The following MAP3K3 variants were observed in gnomAD, a reference collection of about 807,000 sequenced individuals.
MAP3K3 encodes MAP/ERK kinase kinase 3.
A neutral mutation model predicts 80.9 loss-of-function variants in MAP3K3; 12 were observed. The observed-to-expected ratio is 0.15, with a 90% CI of 0.10 to 0.24. The LOEUF (loss-of-function observed/expected upper bound fraction) is 0.24, where lower values mean the gene tolerates loss of function less well. Ranked by LOEUF, MAP3K3 falls within the 10% of genes least tolerant of loss-of-function variation. The probability of loss-of-function intolerance (pLI) is 1.00; values close to 1 mark genes in which losing one functional copy is unlikely to be tolerated. For missense variants in MAP3K3, 596 were observed against 834.7 expected (o/e 0.71, Z 3.52); for synonymous variants, 272 against 307.1 (o/e 0.89, Z 1.19).
intron 6 of MAP3K3, among the ~76,000 whole-genome samples, chr17:63,675,254 C>T (rs1458205727): frequency 7.0e-6 from 1 of 142,944 alleles, no homozygotes; most frequent in Admixed American, 6.8e-5. Flanking sequence ...TTAAGATTTT[C>T]TATTGAGAAA....
rs1321147028 is a variant in MAP3K3 at position 63,694,069 on chromosome 17, C to G, written c.*292C>G. The stretch of plus-strand genomic sequence containing the variant: ...GTGCAAGGCAGCCGTGGGCCCCACC[C>G]TCGGGGATGTGTCCTGACACTGCAA... On this transcript the variant is annotated 3_prime_UTR_variant, in exon 16 of 16. Coordinates refer to ENST00000361733, the MANE Select transcript of MAP3K3 (RefSeq NM_002401.5). 1 of 354,444 alleles carries G rather than the reference C, an allele frequency of 2.8e-6. No homozygotes were observed. The highest frequency in any genetic ancestry group is 5.2e-5 in the East Asian group (1 of 19,132). 22.0% of individuals were successfully genotyped at this position (354,444 alleles called of 1,614,324 possible).
At chr17:63,670,277 C>T (rs937806080) in intron 6 of MAP3K3, among the ~76,000 whole-genome samples, 11 of 151,474 alleles carry the variant, frequency 7.3e-5, no homozygotes, top group African/African-American at 2.4e-4. Context: ...TGTGGTGCTG[C>T]AGGTGGGCTA....
At chr17:63,625,315 T>C (rs572216075) in intron 1 of MAP3K3, among the ~76,000 whole-genome samples, 1 of 149,794 alleles carries the variant, frequency 6.7e-6, no homozygotes, top group South Asian at 2.1e-4. Flanking sequence ...ACTATGTGGC[T>C]ATAAAAAATT....
chr17:63,691,916 T>C lies in MAP3K3; in HGVS notation c.1474+54T>C, dbSNP rs1393077571. 16 of 1,581,928 alleles carry C rather than the reference T, an allele frequency of 1.0e-5. No homozygotes were observed. The highest frequency in any genetic ancestry group is 1.0e-4 in the South Asian group (9 of 89,380). On this transcript the variant is annotated intron_variant, in intron 14 of 15. Transcript: ENST00000361733. This position sits in a 1 kb window ranked among gnomAD's most constrained non-coding sequence, Gnocchi z 4.8. ...CCAGGACCTGGGTTCAAGTCTACCA[T>C]TGAGTGCCTGCAGGGGCCAATCACT...
intron 6 of MAP3K3, among the ~76,000 whole-genome samples, chr17:63,678,899 G>A (rs1175775359): frequency 3.3e-5 from 5 of 151,986 alleles, no homozygotes; most frequent in African/African-American, 9.7e-5. Flanking sequence ...GTATGGTGAC[G>A]GCCACCTGTA....
chr17:63,642,793 A>G lies in MAP3K3; in HGVS notation c.127-3241A>G, dbSNP rs56084060. On this transcript the variant is annotated intron_variant, in intron 2 of 15. Transcript: ENST00000361733. ...ATTTTTGAGACAGAATCCTTGTTCTATCACCCAGGCTGGAGTCCAGTGGCG... is the reference window on the plus strand; with the variant it reads ...ATTTTTGAGACAGAATCCTTGTTCTGTCACCCAGGCTGGAGTCCAGTGGCG... 2.1e-3 allele frequency among the ~76,000 whole-genome samples: 313 copies of G among 152,176 alleles called. 1 individual carries two copies. Among genetic ancestry groups the G allele is most frequent in the African/African-American group, 6.5e-3 (271 of 41,500 alleles).
chr17:63,646,864 T>G (rs2034550659), intron 3 of MAP3K3, among the ~76,000 whole-genome samples: 2 of 152,202 alleles, frequency 1.3e-5, no homozygotes, highest in South Asian at 4.1e-4. Flanking sequence ...GTGCGGCACA[T>G]GTACACATAA....
chr17:63,674,170 CTCTG>C (rs950974134), intron 6 of MAP3K3, among the ~76,000 whole-genome samples: 15 of 152,082 alleles, frequency 9.9e-5, no homozygotes, highest in African/African-American at 3.1e-4. Flanking sequence ...TCAGTTCTCA[CTCTG>C]TCTTTCTCCT....
chr17:63,652,085 A>G (rs2143342395), intron 3 of MAP3K3, among the ~76,000 whole-genome samples: 1 of 152,258 alleles, frequency 6.6e-6, no homozygotes, highest in East Asian at 1.9e-4. Context: ...GGTTTGTTAC[A>G]TAGTTAAACA....
At position 63,695,347 on chromosome 17, in the gene MAP3K3, A is replaced by G. The variant is rs1473542903; in HGVS notation, c.*1570A>G. 3 of 152,684 alleles carry G rather than the reference A, an allele frequency of 2.0e-5. No homozygotes were observed. Among genetic ancestry groups the G allele is most frequent in the East Asian group, 1.9e-4 (1 of 5,208 alleles). The allele number at this position is 152,684 out of a possible 1,614,324, so 9.5% of individuals were successfully genotyped here. A position where few individuals can be genotyped will look rare whatever the true frequency, so the allele number is the denominator to read the frequency against. ...TATTTGATGGTTTTTATATATATCA[A>G]TTCTAGACTGTTACAGGTGACGGAC... On this transcript the variant is annotated 3_prime_UTR_variant, in exon 16 of 16. Coordinates refer to ENST00000361733, the MANE Select transcript of MAP3K3 (RefSeq NM_002401.5). This position sits in a 1 kb window ranked among gnomAD's most constrained non-coding sequence, Gnocchi z 4.1.
At chr17:63,658,040 C>T in intron 5 of MAP3K3, 133 bp downstream of exon 5, 1 of 441,968 alleles carries the variant, frequency 2.3e-6, no homozygotes, top group Non-Finnish European at 4.1e-6. Context: ...CAGCACAGCC[C>T]ACTTGTCAGT....
intron 2 of MAP3K3, chr17:63,636,863 C>A: frequency 2.6e-6 from 1 of 379,584 alleles, no homozygotes; most frequent in Non-Finnish European, 5.2e-6. Flanking sequence ...TCCTCCATCC[C>A]GCTGGACATC....
At chr17:63,650,387 T>A in intron 3 of MAP3K3, among the ~76,000 whole-genome samples, 1 of 152,080 alleles carries the variant, frequency 6.6e-6, no homozygotes, top group East Asian at 1.9e-4. Flanking sequence ...CTGCAACCTC[T>A]GCCTCCTGGG....
At chr17:63,685,888 G>A (rs899404097) in intron 8 of MAP3K3, among the ~76,000 whole-genome samples, 3 of 152,228 alleles carry the variant, frequency 2.0e-5, no homozygotes, top group Non-Finnish European at 4.4e-5. Context: ...CCTCACTGCT[G>A]TGATCTGAAC....
chr17:63,642,767 T>C (rs2034468390), intron 2 of MAP3K3, among the ~76,000 whole-genome samples: 1 of 152,194 alleles, frequency 6.6e-6, no homozygotes, highest in Non-Finnish European at 1.5e-5. Flanking sequence ...TGTTTCAATA[T>C]ATTTTTGAGA....
At chr17:63,650,969 C>T (rs1180786356) in intron 3 of MAP3K3, among the ~76,000 whole-genome samples, 1 of 151,920 alleles carries the variant, frequency 6.6e-6, no homozygotes, top group Non-Finnish European at 1.5e-5. Flanking sequence ...AGTGCTTGGC[C>T]CCCAAGATTT....
At chr17:63,648,230 G>T (rs1383403524) in intron 3 of MAP3K3, among the ~76,000 whole-genome samples, 1 of 152,224 alleles carries the variant, frequency 6.6e-6, no homozygotes, top group African/African-American at 2.4e-5. Context: ...AGCTGCTTTT[G>T]TGGGTTTTGA....
At position 63,662,346 on chromosome 17, in the gene MAP3K3, T is replaced by C. The variant is rs370467423; in HGVS notation, c.381+4439T>C. On this transcript the variant is annotated intron_variant, in intron 5 of 15. Coordinates refer to ENST00000361733, the MANE Select transcript of MAP3K3 (RefSeq NM_002401.5). ...GGGAGAATCACCTGAGGCCGGGAGGTTGAGGCCGCAGTGAGCCAAGATTGC... is the reference window on the plus strand; with the variant it reads ...GGGAGAATCACCTGAGGCCGGGAGGCTGAGGCCGCAGTGAGCCAAGATTGC... Among the ~76,000 whole-genome samples the C allele has an allele frequency of 5.4e-5, 8 of 147,614 alleles. No homozygotes were observed. In the South Asian group the frequency reaches 8.7e-4, roughly 16 times the overall value.
At chr17:63,634,861 G>A (rs2034290707) in intron 2 of MAP3K3, 1 of 1,376,738 alleles carries the variant, frequency 7.3e-7, no homozygotes, top group Non-Finnish European at 1.0e-6. Flanking sequence ...TACTCATGCT[G>A]CAACAGCAGA....
Sources: allele counts gnomAD v4.1 joint callset (sites outside exome capture counted in the v4.1 genomes callset), GRCh38; gene constraint gnomAD v4.1.1; non-coding constraint Gnocchi (gnomAD v3.1); transcripts MANE v1.5; gene names NCBI Gene and HGNC (gene_info 2026-07-23, HGNC 2026-07-21).